Variants in SVIL observed in about 807,000 individuals in gnomAD.
SVIL encodes the protein supervillin.
SVIL carries 101 observed loss-of-function variants against 240.4 expected under a neutral mutation model. The observed-to-expected ratio is 0.42, with a 90% CI of 0.36 to 0.50. SVIL has a LOEUF of 0.50. SVIL is among the 20% of genes least tolerant of loss of function. The probability of loss-of-function intolerance (pLI) is 0.01; values close to 1 mark genes in which losing one functional copy is unlikely to be tolerated. For synonymous variants in SVIL, 999 were observed against 1,100.0 expected, an observed-to-expected ratio of 0.91 and a Z score of 1.82; for missense variants, 2,512 against 2,818.7, an observed-to-expected ratio of 0.89 and a Z score of 2.46.
In SVIL at chr10:29,550,841, C is replaced by A; in HGVS notation, c.583G>T (p.Asp195Tyr). 6.2e-7 allele frequency: 1 copy of A among 1,614,058 alleles called. No individual in the cohort carries two copies. The highest frequency in any genetic ancestry group is 8.5e-7 in the Non-Finnish European group (1 of 1,180,006). The stretch of plus-strand genomic sequence containing the variant: ...TCTATGTTCAGCAGCACCTCCGGGT[C>A]GGAAGAGCCGTCACCCACATGGAGG... ...YALHVGDGSS[D>Y]PEVLLNIENQ... Residue 195 changes from aspartate (D) to tyrosine (Y), a missense_variant, in exon 6 of 38, where the codon GAC becomes TAC. By Grantham distance (160) the Asp-to-Tyr change is radical (BLOSUM62 -3). This residue lies in a region of SVIL where 1,443 missense variants were observed against 1,486.6 expected (regional missense o/e 0.97). Coordinates refer to ENST00000355867, the MANE Select transcript of SVIL (RefSeq NM_021738.3).
chr10:29,592,442 G>T (rs1350174958), intron 1 of SVIL, among the ~76,000 whole-genome samples: 1 of 152,150 alleles, frequency 6.6e-6, no homozygotes, highest in Non-Finnish European at 1.5e-5. Flanking sequence ...TTTCACAAAA[G>T]CTGAATACAT....
intron 29 of SVIL, among the ~76,000 whole-genome samples, chr10:29,478,924 CAAAAA>C (rs71020791): frequency 0.045 from 2,835 of 63,048 alleles, 135 homozygotes; most frequent in African/African-American, 0.15. Flanking sequence ...AACCCTGTCT[CAAAAA>C]AAAAAAAAAA....
At chr10:29,623,722 C>G (rs932950945) in intron 1 of SVIL, among the ~76,000 whole-genome samples, 1 of 152,058 alleles carries the variant, frequency 6.6e-6, no homozygotes, top group African/African-American at 2.4e-5. Context: ...CATGGTGGCA[C>G]GCGCCTGTAG....
At chr10:29,729,406 G>C (rs1964469287) in intron 1 of SVIL, among the ~76,000 whole-genome samples, 2 of 151,358 alleles carry the variant, frequency 1.3e-5, no homozygotes, top group African/African-American at 4.9e-5. Flanking sequence ...GGGTGAAAAA[G>C]GATAGTGGGT....
chr10:29,640,599 C>G (rs1247154866), intron 3 of SVIL, among the ~76,000 whole-genome samples: 1 of 152,164 alleles, frequency 6.6e-6, no homozygotes, highest in Non-Finnish European at 1.5e-5. Flanking sequence ...CGTCATCTCC[C>G]ATCTCCCATC....
intron 1 of SVIL, among the ~76,000 whole-genome samples, chr10:29,692,545 T>G (rs1961589881): frequency 6.6e-6 from 1 of 152,138 alleles, no homozygotes. Context: ...CTGTGATGAT[T>G]ATTTTTCCTG....
chr10:29,627,037 GAAAAT>G lies in SVIL; in HGVS notation c.-201+7378_-201+7382del, dbSNP rs142035627. Among the ~76,000 whole-genome samples the G allele has an allele frequency of 3.2e-4, 48 of 151,006 alleles. No homozygotes were observed. The South Asian group carries it at 5.6e-3, about 18-fold the overall frequency. ...AGACTCCATCTCAAAAAAATAAAAT[GAAAAT>G]AAAATAAAATAAAATAAAATAAATA... On this transcript the variant is annotated intron_variant, in intron 1 of 37. Transcript: ENST00000355867.
At chr10:29,725,509 G>T (rs1296683663) in intron 1 of SVIL, among the ~76,000 whole-genome samples, 1 of 152,038 alleles carries the variant, frequency 6.6e-6, no homozygotes, top group Non-Finnish European at 1.5e-5. Context: ...ACACAGATGT[G>T]TCCTAGCAGG....
At chr10:29,688,119 CA>C (rs1252126015) in intron 1 of SVIL, among the ~76,000 whole-genome samples, 1 of 152,200 alleles carries the variant, frequency 6.6e-6, no homozygotes, top group Non-Finnish European at 1.5e-5. Context: ...AATGGTTGAA[CA>C]AACTATTTTC....
chr10:29,540,980 T>C (rs1302633892), intron 6 of SVIL, among the ~76,000 whole-genome samples: 1 of 152,196 alleles, frequency 6.6e-6, no homozygotes, highest in Non-Finnish European at 1.5e-5. Flanking sequence ...AATATTTCAT[T>C]CCATCAAAGT....
intron 17 of SVIL, among the ~76,000 whole-genome samples, chr10:29,503,472 T>G (rs529986722): frequency 6.6e-6 from 1 of 152,316 alleles, no homozygotes; most frequent in East Asian, 1.9e-4. Flanking sequence ...CTTTTTTTCT[T>G]CTCTGAACCT....
chr10:29,699,801 G>A (rs1962366791), intron 1 of SVIL, among the ~76,000 whole-genome samples: 1 of 152,216 alleles, frequency 6.6e-6, no homozygotes, highest in Admixed American at 6.5e-5. Context: ...CCAGGCCTCC[G>A]GGCACCTGAA....
At chr10:29,549,609 C>G (rs1400871788) in intron 6 of SVIL, among the ~76,000 whole-genome samples, 1 of 146,938 alleles carries the variant, frequency 6.8e-6, no homozygotes, top group Non-Finnish European at 1.5e-5. Flanking sequence ...ATAGCAAAGA[C>G]TTGGAACCAA....
intron 1 of SVIL, among the ~76,000 whole-genome samples, chr10:29,729,973 G>C (rs1964526251): frequency 6.6e-6 from 1 of 150,508 alleles, no homozygotes; most frequent in South Asian, 2.1e-4. Context: ...AGGATCACTT[G>C]AGCCCAGGGA....
intron 2 of SVIL, among the ~76,000 whole-genome samples, chr10:29,565,483 C>G (rs1266961232): frequency 6.6e-6 from 1 of 152,210 alleles, no homozygotes; most frequent in Non-Finnish European, 1.5e-5. Flanking sequence ...TTTCCTCCCC[C>G]TGAGCTCTCT....
At chr10:29,630,999 C>A (rs1396466046) in intron 1 of SVIL, among the ~76,000 whole-genome samples, 1 of 152,176 alleles carries the variant, frequency 6.6e-6, no homozygotes, top group Non-Finnish European at 1.5e-5. Flanking sequence ...CCACCAGGAC[C>A]TAGTGACTGC....
chr10:29,589,641 G>C (rs1245173685), intron 1 of SVIL, among the ~76,000 whole-genome samples: 2 of 152,056 alleles, frequency 1.3e-5, no homozygotes, highest in East Asian at 1.9e-4. Context: ...AAAAGAAAAC[G>C]AGGTGAGACA....
rs761132947 is a variant in SVIL, at chr10:29,522,446, A to G, written c.3353T>C (p.Leu1118Pro). The stretch of plus-strand genomic sequence containing the variant: ...AGACATGGTTTTGCTGGGTGAGTCA[A>G]GAAGGCCCTCCCCTGTCGGCGTTTT... ...EIKTPTGEGL[L>P]DSPSKTMSIK... is the part of the protein sequence containing the mutation. The change falls in exon 16 of 38, where the codon CTT (leucine) becomes CCT (proline). Residue 1118 changes from leucine (L) to proline (P), a missense_variant. Leu to Pro is a moderately conservative substitution (Grantham distance 98). Transcript: ENST00000355867. The G allele has an allele frequency of 7.4e-6, 12 of 1,614,132 alleles. No homozygotes were observed. Among genetic ancestry groups the G allele is most frequent in the Non-Finnish European group, 1.0e-5 (12 of 1,180,032 alleles).
chr10:29,705,529 TTAGA>T (rs1962827393), intron 1 of SVIL, among the ~76,000 whole-genome samples: 1 of 152,112 alleles, frequency 6.6e-6, no homozygotes, highest in Non-Finnish European at 1.5e-5. Context: ...TGCAGGTTTA[TTAGA>T]TAGGTAAACG....
Sources: allele counts gnomAD v4.1 joint callset (sites outside exome capture counted in the v4.1 genomes callset), GRCh38; gene constraint gnomAD v4.1.1; regional missense constraint gnomAD v4.1.1; transcripts MANE v1.5; gene names NCBI Gene and HGNC (gene_info 2026-07-23, HGNC 2026-07-21).